ZFR: variants seen among roughly 807,000 people sequenced by gnomAD.
ZFR encodes zinc finger RNA-binding protein.
Under a neutral mutation model 130.7 loss-of-function variants are expected in ZFR, and 19 were observed. That is an observed-to-expected ratio of 0.15 (90% CI 0.10 to 0.21). The LOEUF (loss-of-function observed/expected upper bound fraction) is 0.21, where lower values mean the gene tolerates loss of function less well. ZFR is among the 10% of genes least tolerant of loss of function. The pLI, the probability that ZFR is intolerant of heterozygous loss-of-function variation, is 1.00. For synonymous variants in ZFR, 466 were observed against 456.9 expected (o/e 1.02, Z -0.25); for missense variants, 872 against 1,321.5 (o/e 0.66, Z 5.27).
chr5:32,392,028 C>G (rs561121745), intron 11 of ZFR, among the ~76,000 whole-genome samples: 39 of 152,274 alleles, frequency 2.6e-4, no homozygotes, highest in African/African-American at 9.1e-4. Context: ...GTCACCGTGC[C>G]CAGCCAGCAG....
At chr5:32,427,939 C>T (rs1012493360) in intron 2 of ZFR, among the ~76,000 whole-genome samples, 4 of 152,070 alleles carry the variant, frequency 2.6e-5, no homozygotes, top group African/African-American at 9.7e-5. Flanking sequence ...TGGAGCTTCA[C>T]CTTACAAAAT....
chr5:32,357,743 T>C (rs1463256279), intron 19 of ZFR, among the ~76,000 whole-genome samples: 2 of 152,244 alleles, frequency 1.3e-5, no homozygotes, highest in Non-Finnish European at 2.9e-5. Flanking sequence ...ACTTTGATAA[T>C]TTATGTGTGG....
intron 8 of ZFR, 102 bp downstream of exon 8, chr5:32,403,004 G>A: frequency 8.6e-7 from 1 of 1,159,852 alleles, no homozygotes; most frequent in Non-Finnish European, 1.2e-6. Flanking sequence ...AGAGAGAAGG[G>A]AGGAGGCAGG....
intron 17 of ZFR, among the ~76,000 whole-genome samples, chr5:32,366,660 TAGA>T (rs1427810679): frequency 2.0e-5 from 3 of 152,026 alleles, no homozygotes; most frequent in African/African-American, 4.8e-5. Flanking sequence ...GCAATGAAAA[TAGA>T]AGAATATAAT....
chr5:32,417,407 C>T (rs1388700431), intron 4 of ZFR, among the ~76,000 whole-genome samples: 3 of 152,112 alleles, frequency 2.0e-5, no homozygotes, highest in East Asian at 1.9e-4. Context: ...TTCTTTTGCA[C>T]AGCTTATTTC....
chr5:32,388,404 C>A lies in ZFR; in HGVS notation c.2348+65G>T, dbSNP rs571621527. The A allele has an allele frequency of 2.4e-5, 35 of 1,464,902 alleles. No individual in the cohort carries two copies. In the East Asian group the frequency reaches 7.3e-4, roughly 31 times the overall value. The allele number at this position is 1,464,902 out of a possible 1,614,324, so 90.7% of individuals were successfully genotyped here. ...GAGTTACCAGTCATAAGCTATATTT[C>A]AAATGTAAGAAGTCCACATAAGAAA... On this transcript the variant is annotated intron_variant, in intron 13 of 19. Coordinates refer to ENST00000265069, the MANE Select transcript of ZFR (RefSeq NM_016107.5).
chr5:32,374,085 A>C (rs1349761585), intron 17 of ZFR, among the ~76,000 whole-genome samples: 1 of 152,216 alleles, frequency 6.6e-6, no homozygotes, highest in African/African-American at 2.4e-5. Context: ...GTCTATTCAT[A>C]CAAGTAACAA....
chr5:32,417,502 G>A lies in ZFR; in HGVS notation c.565+146C>T, dbSNP rs983187910. 4 of 884,898 alleles carry A rather than the reference G, an allele frequency of 4.5e-6. No homozygotes were observed. The South Asian group carries it at 7.1e-5, about 16-fold the overall frequency. 54.8% of individuals were successfully genotyped at this position (884,898 alleles called of 1,614,324 possible). A position where few individuals can be genotyped will look rare whatever the true frequency, so the allele number is the denominator to read the frequency against. ...GCATGATTATGAATTGTGACTCCAA[G>A]GCATTTAGTAGGACAGGTCTAGAAC... is the stretch of plus-strand genomic sequence containing the variant. On this transcript the variant is annotated intron_variant, in intron 4 of 19. Transcript: ENST00000265069.
chr5:32,364,095 A>T (rs1318571524), intron 18 of ZFR, 50 bp from the exon 19 acceptor site: 13 of 1,581,160 alleles, frequency 8.2e-6, no homozygotes, highest in Middle Eastern at 1.7e-4. Flanking sequence ...GTCCACTTAT[A>T]AAAAAAATTA....
At position 32,379,121 on chromosome 5, in the gene ZFR, T is replaced by C; in HGVS notation, c.2829A>G (p.Pro943=). The C allele has an allele frequency of 1.2e-6, 2 of 1,612,978 alleles. No individual in the cohort carries two copies. Among genetic ancestry groups the C allele is most frequent in the Non-Finnish European group, 8.5e-7 (1 of 1,179,230 alleles). The part of the protein sequence containing the change: ...CQRVPTWSDF[P]SWAMELLVEK... ...ACAGTTACGTACTACTTACCCAGCT[T>C]GGAAAATCAGACCAAGTTGGAACTC... is the stretch of plus-strand genomic sequence containing the variant. The change falls in exon 17 of 20, where the codon CCA becomes CCG. Residue 943 remains proline, a synonymous_variant. Coordinates refer to ENST00000265069, the MANE Select transcript of ZFR (RefSeq NM_016107.5).
At chr5:32,435,599 G>A (rs544296570) in intron 2 of ZFR, among the ~76,000 whole-genome samples, 1 of 152,248 alleles carries the variant, frequency 6.6e-6, no homozygotes, top group South Asian at 2.1e-4. Context: ...ATAAATCACA[G>A]CACTCTTTGC....
chr5:32,428,975 C>CTTTTT (rs576959110), intron 2 of ZFR, among the ~76,000 whole-genome samples: 1 of 91,200 alleles, frequency 1.1e-5, no homozygotes, highest in African/African-American at 4.4e-5. Flanking sequence ...CTTCTTACAT[C>CTTTTT]TTTTTTTTTT....
intron 5 of ZFR, among the ~76,000 whole-genome samples, chr5:32,412,954 CCAAGGTGGGCGGAT>C (rs1753742509): frequency 6.6e-6 from 1 of 152,050 alleles, no homozygotes; most frequent in South Asian, 2.1e-4. Flanking sequence ...CTCTGGGAGG[CCAAGGTGGGCGGAT>C]CACTTGAGGT....
At chr5:32,363,517 T>C (rs1201148944) in intron 19 of ZFR, among the ~76,000 whole-genome samples, 1 of 152,196 alleles carries the variant, frequency 6.6e-6, no homozygotes, top group Admixed American at 6.5e-5. Flanking sequence ...CCAGGGAGTC[T>C]GTCTCCAGAG....
At chr5:32,397,483 T>TGTCC in intron 9 of ZFR, 145 bp from the exon 10 acceptor site, 5 of 1,034,656 alleles carry the variant, frequency 4.8e-6, no homozygotes, top group Admixed American at 2.9e-5. Context: ...GGACAGAGTC[T>TGTCC]TGCTCTGTCG....
chr5:32,444,051 CGGGCAAGGCGGGGCG>C (rs1183521349), intron 2 of ZFR, among the ~76,000 whole-genome samples, 163 bp downstream of exon 2: 1 of 128,612 alleles, frequency 7.8e-6, no homozygotes, highest in Non-Finnish European at 1.7e-5. Context: ...CGGGCCGGGC[CGGGCAAGGCGGGGCG>C]GGGCGGGGCG....
intron 2 of ZFR, among the ~76,000 whole-genome samples, chr5:32,443,912 C>A (rs2111887035): frequency 6.6e-6 from 1 of 152,298 alleles, no homozygotes; most frequent in East Asian, 1.9e-4. Flanking sequence ...GCGGCGGTGG[C>A]GGCTCCGCTC....
intron 8 of ZFR, among the ~76,000 whole-genome samples, chr5:32,402,783 T>C (rs201666294): frequency 1.7e-4 from 3 of 17,710 alleles, no homozygotes; most frequent in African/African-American, 9.3e-4. Flanking sequence ...GTCTCAAAAA[T>C]GAAAAAAAAA....
chr5:32,363,914 C>A (rs1272401615), intron 19 of ZFR, 34 bp downstream of exon 19: 3 of 1,567,444 alleles, frequency 1.9e-6, no homozygotes, highest in Non-Finnish European at 2.6e-6. Flanking sequence ...AATGGAGTAA[C>A]CCAATAGGGC....
Sources: allele counts gnomAD v4.1 joint callset (sites outside exome capture counted in the v4.1 genomes callset), GRCh38; gene constraint gnomAD v4.1.1; transcripts MANE v1.5; gene names NCBI Gene and HGNC (gene_info 2026-07-23, HGNC 2026-07-21).